The following MFSD6 variants were observed in gnomAD, a reference collection of about 807,000 sequenced individuals.
MFSD6 encodes the protein major facilitator superfamily domain containing 6.
MFSD6 carries 26 observed loss-of-function variants against 56.3 expected under a neutral mutation model. The ratio of observed to expected loss-of-function variants is 0.46; its 90% CI spans 0.34 to 0.64. MFSD6 has a LOEUF of 0.64. Ranked by LOEUF, MFSD6 falls within the 30% of genes least tolerant of loss-of-function variation. The pLI, the probability that MFSD6 is intolerant of heterozygous loss-of-function variation, is 0.01. For missense variants in MFSD6, 750 were observed against 986.2 expected (o/e 0.76, Z 3.21); for synonymous variants, 331 against 366.9 (o/e 0.90, Z 1.12).
rs149948011 is a variant in MFSD6, at chr2:190,461,204, G to A, written c.1533-8554G>A. Among the ~76,000 whole-genome samples, 1 of 152,284 alleles carries A rather than the reference G, an allele frequency of 6.6e-6. No individual in the cohort carries two copies. The highest frequency in any genetic ancestry group is 2.4e-5 in the African/African-American group (1 of 41,564). On this transcript the variant is annotated intron_variant, in intron 3 of 7. Transcript: ENST00000392328. This position sits in a 1 kb window ranked among gnomAD's most constrained non-coding sequence, Gnocchi z 5.5. ...TGATCCCTTCAGGTTGAGAACCATG[G>A]GTCAGACATCACACATCATTTAATG...
chr2:190,452,698 A>G (rs1005534657), intron 3 of MFSD6, among the ~76,000 whole-genome samples: 10 of 152,122 alleles, frequency 6.6e-5, no homozygotes, highest in Admixed American at 4.6e-4. Context: ...CACTTTTTCA[A>G]TGGTTTCAAC....
In MFSD6 at chr2:190,425,998, T is replaced by A. The variant is rs1685774266; in HGVS notation, c.-53-9979T>A. Among the ~76,000 whole-genome samples the A allele has an allele frequency of 6.6e-6, 1 of 152,192 alleles. No homozygotes were observed. The highest frequency in any genetic ancestry group is 1.5e-5 in the Non-Finnish European group (1 of 68,032). On this transcript the variant is annotated intron_variant, in intron 2 of 7. Transcript: ENST00000392328. The surrounding 1 kb of genome is among the most constrained non-coding windows in gnomAD (Gnocchi z 4.3). ...TCAAAATTTTTTTCCTTGCCTTTAG[T>A]TTTTAGAAGTTTGACTGATGAGTTT... is the stretch of plus-strand genomic sequence containing the variant.
chr2:190,480,060 G>T (rs1024284065), intron 4 of MFSD6, among the ~76,000 whole-genome samples: 2 of 152,184 alleles, frequency 1.3e-5, no homozygotes, highest in African/African-American at 4.8e-5. Context: ...CTACTGGGGA[G>T]GCTCAGGTGG....
intron 2 of MFSD6, among the ~76,000 whole-genome samples, chr2:190,420,547 A>T (rs376267146): frequency 2.6e-5 from 4 of 152,164 alleles, no homozygotes; most frequent in African/African-American, 9.7e-5. Flanking sequence ...CAATAAACAA[A>T]ATCTCCTTTC....
intron 3 of MFSD6, among the ~76,000 whole-genome samples, chr2:190,468,233 A>G (rs1197106196): frequency 6.6e-6 from 1 of 152,212 alleles, no homozygotes; most frequent in Non-Finnish European, 1.5e-5. Flanking sequence ...TAATGTCCAT[A>G]GAACAAGATG....
rs1686780078 is a variant in MFSD6, at chr2:190,451,711, G to A, written c.1532+14150G>A. On this transcript the variant is annotated intron_variant, in intron 3 of 7. Coordinates refer to ENST00000392328, the MANE Select transcript of MFSD6 (RefSeq NM_017694.4). This position sits in a 1 kb window ranked among gnomAD's most constrained non-coding sequence, Gnocchi z 5.0. ...TGGAAGCCCCCAGTGAAGATCTTGG[G>A]GACAGAGAAAACCACACATGTGAAT... 6.6e-6 allele frequency among the ~76,000 whole-genome samples: 1 copy of A among 151,758 alleles called. No homozygotes were observed. The highest frequency in any genetic ancestry group is 1.5e-5 in the Non-Finnish European group (1 of 67,890).
rs553184558 is a variant in MFSD6 at position 190,431,689 on chromosome 2, C to G, written c.-53-4288C>G. Among the ~76,000 whole-genome samples, 1 of 142,078 alleles carries G rather than the reference C, an allele frequency of 7.0e-6. No homozygotes were observed. The highest frequency in any genetic ancestry group is 1.6e-5 in the Non-Finnish European group (1 of 61,290). The allele number at this position is 142,078 out of a possible 152,430, so 93.2% of individuals were successfully genotyped here. ...AGCTTCGGCTCAGCATCAGGGAGAC[C>G]GTGGAAAGAGAGGGAGAGGGAGACT... On this transcript the variant is annotated intron_variant, in intron 2 of 7. Transcript: ENST00000392328. The surrounding 1 kb of genome is among the most constrained non-coding windows in gnomAD (Gnocchi z 4.4).
Position 190,497,573 on chromosome 2 carries a change from C to T in MFSD6, c.2026C>T (p.His676Tyr), listed in dbSNP as rs780525810. The T allele has an allele frequency of 6.2e-7, 1 of 1,614,168 alleles. No homozygotes were observed. Among genetic ancestry groups the T allele is most frequent in the South Asian group, 1.1e-5 (1 of 91,078 alleles). Residue 676 changes from histidine to tyrosine, a missense_variant, in exon 7 of 8, where the codon CAC (histidine) becomes TAC (tyrosine). By Grantham distance (83) the His-to-Tyr change is moderately conservative. Coordinates refer to ENST00000392328, the MANE Select transcript of MFSD6 (RefSeq NM_017694.4). The surrounding 1 kb of genome is among the most constrained non-coding windows in gnomAD (Gnocchi z 5.2). ...CAGACTTCCACCCAAGAAAACTAAG[C>T]ACCAGGAAGAACAGGAAGATGTGAA... is the stretch of plus-strand genomic sequence containing the variant. ...EPRLPPKKTK[H>Y]QEEQEDVNKP...
chr2:190,485,466 T>C lies in MFSD6; in HGVS notation c.1631-3191T>C, dbSNP rs1688958403. Among the ~76,000 whole-genome samples, 1 of 152,198 alleles carries C rather than the reference T, an allele frequency of 6.6e-6. No homozygotes were observed. The highest frequency in any genetic ancestry group is 2.1e-4 in the South Asian group (1 of 4,836). ...TCCAAATCTGTGTTGGATTTTGCTA[T>C]TGAATCTAATTAATTTTGAATAAAT... On this transcript the variant is annotated intron_variant, in intron 4 of 7. Transcript: ENST00000392328. This position sits in a 1 kb window ranked among gnomAD's most constrained non-coding sequence, Gnocchi z 5.1.
rs1027848996 is a variant in MFSD6 at position 190,471,714 on chromosome 2, A to G, written c.1630+1859A>G. ...GCAGCAGAAACCTCTGCAGACTTAA[A>G]TGTCCCTGTCTGACAGCTTTGAAGA... is the stretch of plus-strand genomic sequence containing the variant. On this transcript the variant is annotated intron_variant, in intron 4 of 7. Coordinates refer to ENST00000392328, the MANE Select transcript of MFSD6 (RefSeq NM_017694.4). This position sits in a 1 kb window ranked among gnomAD's most constrained non-coding sequence, Gnocchi z 4.7. 6.6e-6 allele frequency among the ~76,000 whole-genome samples: 1 copy of G among 152,196 alleles called. No homozygotes were observed. Among genetic ancestry groups the G allele is most frequent in the South Asian group, 2.1e-4 (1 of 4,830 alleles).
At chr2:190,473,868 T>G (rs1325222362) in intron 4 of MFSD6, among the ~76,000 whole-genome samples, 1 of 152,170 alleles carries the variant, frequency 6.6e-6, no homozygotes, top group Non-Finnish European at 1.5e-5. Context: ...AAACTGTCTC[T>G]CAGACCACAG....
intron 4 of MFSD6, among the ~76,000 whole-genome samples, chr2:190,472,475 G>T (rs997570094): frequency 6.6e-6 from 1 of 152,218 alleles, no homozygotes; most frequent in African/African-American, 2.4e-5. Context: ...TCATCTGGAA[G>T]AAAGGGTATC....
intron 4 of MFSD6, among the ~76,000 whole-genome samples, chr2:190,476,369 C>G (rs927208518): frequency 6.6e-6 from 1 of 152,110 alleles, no homozygotes; most frequent in Non-Finnish European, 1.5e-5. Context: ...AAGAAAAAAA[C>G]AACCCCATCA....
Position 190,423,004 on chromosome 2 carries a change from C to T in MFSD6, c.-54+7591C>T, listed in dbSNP as rs1685677755. Among the ~76,000 whole-genome samples, 1 of 152,040 alleles carries T rather than the reference C, an allele frequency of 6.6e-6. No homozygotes were observed. Among genetic ancestry groups the T allele is most frequent in the African/African-American group, 2.4e-5 (1 of 41,386 alleles). On this transcript the variant is annotated intron_variant, in intron 2 of 7. Coordinates refer to ENST00000392328, the MANE Select transcript of MFSD6 (RefSeq NM_017694.4). The surrounding 1 kb of genome is among the most constrained non-coding windows in gnomAD (Gnocchi z 4.3). Reference sequence around the variant, plus strand: ...AGATAAGAAAATACATTATCAGCACCCCAAAATTCCTTCTAGTCACTATCT... The same window carrying T: ...AGATAAGAAAATACATTATCAGCACTCCAAAATTCCTTCTAGTCACTATCT...
In MFSD6 at chr2:190,451,591, A is replaced by C; in HGVS notation, c.1532+14030A>C. Among the ~76,000 whole-genome samples, 1 of 152,236 alleles carries C rather than the reference A, an allele frequency of 6.6e-6. No individual in the cohort carries two copies. Among genetic ancestry groups the C allele is most frequent in the East Asian group, 1.9e-4 (1 of 5,202 alleles). On this transcript the variant is annotated intron_variant, in intron 3 of 7. Coordinates refer to ENST00000392328, the MANE Select transcript of MFSD6 (RefSeq NM_017694.4). The surrounding 1 kb of genome is among the most constrained non-coding windows in gnomAD (Gnocchi z 5.0). ...TTAGGGCAAAAGTAAGACAGAGTGA[A>C]GGGTCCTAAGAGTGACTGAGGAGAA...
rs1689687047 is a variant in MFSD6, at chr2:190,496,523, T to G, written c.1892-916T>G. 6.6e-6 allele frequency among the ~76,000 whole-genome samples: 1 copy of G among 152,164 alleles called. No homozygotes were observed. The highest frequency in any genetic ancestry group is 2.1e-4 in the South Asian group (1 of 4,832). ...AGAAGTCATTATATGAAAAAGATAC[T>G]TGTACATGCATGTTTATAGCATCAC... On this transcript the variant is annotated intron_variant, in intron 6 of 7. Coordinates refer to ENST00000392328, the MANE Select transcript of MFSD6 (RefSeq NM_017694.4). The surrounding 1 kb of genome is among the most constrained non-coding windows in gnomAD (Gnocchi z 4.7).
chr2:190,500,503 T>C lies in MFSD6; in HGVS notation c.*285T>C, dbSNP rs1167141905. ...TAGGTTAAGGATGATAGAATTTCTCTGCCAGTGCAGTAAGAGTTGAAACCG... is the reference window on the plus strand; with the variant it reads ...TAGGTTAAGGATGATAGAATTTCTCCGCCAGTGCAGTAAGAGTTGAAACCG... On this transcript the variant is annotated 3_prime_UTR_variant, in exon 8 of 8. Coordinates refer to ENST00000392328, the MANE Select transcript of MFSD6 (RefSeq NM_017694.4). The surrounding 1 kb of genome is among the most constrained non-coding windows in gnomAD (Gnocchi z 5.3). 2.4e-5 allele frequency: 9 copies of C among 378,772 alleles called. No homozygotes were observed. The highest frequency in any genetic ancestry group is 1.8e-4 in the African/African-American group (9 of 49,486). 23.5% of individuals were successfully genotyped at this position (378,772 alleles called of 1,614,324 possible). A position where few individuals can be genotyped will look rare whatever the true frequency, so the allele number is the denominator to read the frequency against.
At position 190,461,153 on chromosome 2, in the gene MFSD6, T is replaced by C. The variant is rs969165674; in HGVS notation, c.1533-8605T>C. ...ACTTAGCTAGAATGTTGTATGGTTTTGAAGCCAAAATAGAAACCCAGACAG... is the reference window on the plus strand; with the variant it reads ...ACTTAGCTAGAATGTTGTATGGTTTCGAAGCCAAAATAGAAACCCAGACAG... On this transcript the variant is annotated intron_variant, in intron 3 of 7. Transcript: ENST00000392328. This position sits in a 1 kb window ranked among gnomAD's most constrained non-coding sequence, Gnocchi z 5.5. 6.6e-6 allele frequency among the ~76,000 whole-genome samples: 1 copy of C among 152,244 alleles called. No homozygotes were observed. Among genetic ancestry groups the C allele is most frequent in the Non-Finnish European group, 1.5e-5 (1 of 68,040 alleles).
Position 190,497,530 on chromosome 2 carries a change from C to T in MFSD6, c.1983C>T (p.Val661=), listed in dbSNP as rs763115599. ...IDLVQQQTED[V]MPRIEPRLPP... ...TGGTACAGCAACAGACAGAAGATGT[C>T]ATGCCACGCATTGAGCCCAGACTTC... Residue 661 remains valine (V), a synonymous_variant, in exon 7 of 8, where the codon GTC becomes GTT. Coordinates refer to ENST00000392328, the MANE Select transcript of MFSD6 (RefSeq NM_017694.4). This position sits in a 1 kb window ranked among gnomAD's most constrained non-coding sequence, Gnocchi z 5.2. The T allele has an allele frequency of 8.1e-6, 13 of 1,614,210 alleles. No individual in the cohort carries two copies. Among genetic ancestry groups the T allele is most frequent in the South Asian group, 2.2e-5 (2 of 91,080 alleles).
Sources: allele counts gnomAD v4.1 joint callset (sites outside exome capture counted in the v4.1 genomes callset), GRCh38; gene constraint gnomAD v4.1.1; non-coding constraint Gnocchi (gnomAD v3.1); transcripts MANE v1.5; gene names NCBI Gene and HGNC (gene_info 2026-07-23, HGNC 2026-07-21).